GRID1: variants seen among roughly 807,000 people sequenced by gnomAD.
GRID1 encodes glutamate ionotropic receptor delta type subunit 1.
Under a neutral mutation model 98.0 loss-of-function variants are expected in GRID1, and 28 were observed. That is an observed-to-expected ratio of 0.29 (90% CI 0.21 to 0.39). The LOEUF (loss-of-function observed/expected upper bound fraction) is 0.39. GRID1 is among the 10% of genes least tolerant of loss of function. The pLI, the probability that GRID1 is intolerant of heterozygous loss-of-function variation, is 1.00. For synonymous variants in GRID1, 553 were observed against 538.5 expected (o/e 1.03, Z -0.37); for missense variants, 1,111 against 1,340.5 (o/e 0.83, Z 2.67).
chr10:85,770,869 G>A (rs1301029072), intron 8 of GRID1, among the ~76,000 whole-genome samples: 20 of 152,290 alleles, frequency 1.3e-4, no homozygotes, highest in African/African-American at 3.6e-4. Context: ...TGAAAGTGAC[G>A]GGGAGAATGG....
At chr10:86,230,602 C>G (rs1265360274) in intron 2 of GRID1, among the ~76,000 whole-genome samples, 1 of 152,242 alleles carries the variant, frequency 6.6e-6, no homozygotes, top group Non-Finnish European at 1.5e-5. Flanking sequence ...CTGAACTTCC[C>G]ACTGTTCCCT....
intron 4 of GRID1, among the ~76,000 whole-genome samples, chr10:85,982,825 G>A (rs1842562350): frequency 6.6e-6 from 1 of 152,138 alleles, no homozygotes; most frequent in Non-Finnish European, 1.5e-5. Context: ...AGTGGCTATT[G>A]TCACTGAAAA....
chr10:85,777,846 TAGAC>T (rs2132722409), intron 8 of GRID1, among the ~76,000 whole-genome samples: 1 of 152,304 alleles, frequency 6.6e-6, no homozygotes, highest in African/African-American at 2.4e-5. Context: ...TCAGCAGTGA[TAGAC>T]AGGCATTCAG....
At chr10:85,821,172 T>C (rs1008036289) in intron 8 of GRID1, among the ~76,000 whole-genome samples, 1 of 151,924 alleles carries the variant, frequency 6.6e-6, no homozygotes, top group Non-Finnish European at 1.5e-5. Flanking sequence ...AAGCAAATTA[T>C]ATATTATATT....
At chr10:86,147,941 C>T (rs532780818) in intron 3 of GRID1, among the ~76,000 whole-genome samples, 245 of 152,330 alleles carry the variant, frequency 1.6e-3, no homozygotes, top group African/African-American at 5.0e-3. Context: ...CCAGCCAATC[C>T]TAAGCCCACC....
At chr10:85,644,293 C>T (rs1184222904) in intron 13 of GRID1, 2 of 152,212 alleles carry the variant, frequency 1.3e-5, no homozygotes, top group African/African-American at 4.8e-5. Flanking sequence ...TTTCTAAAAT[C>T]TCCTGCTAAT....
intron 4 of GRID1, among the ~76,000 whole-genome samples, chr10:85,999,632 G>T (rs2131873927): frequency 6.6e-6 from 1 of 152,194 alleles, no homozygotes; most frequent in East Asian, 1.9e-4. Flanking sequence ...GGCCATGTTG[G>T]ATTTATCTAA....
chr10:85,629,979 T>G (rs1842957438), intron 13 of GRID1, among the ~76,000 whole-genome samples: 1 of 152,234 alleles, frequency 6.6e-6, no homozygotes, highest in South Asian at 2.1e-4. Context: ...TGCATTTTTT[T>G]CATATGCTTG....
intron 4 of GRID1, among the ~76,000 whole-genome samples, chr10:86,100,593 C>T (rs1381096746): frequency 6.6e-6 from 1 of 152,068 alleles, no homozygotes; most frequent in African/African-American, 2.4e-5. Context: ...AAAGTTTTCA[C>T]AGGTTGGTCA....
chr10:85,771,041 T>A (rs1453827305), intron 8 of GRID1, among the ~76,000 whole-genome samples: 1 of 151,864 alleles, frequency 6.6e-6, no homozygotes, highest in African/African-American at 2.4e-5. Context: ...AAAGTTGAAA[T>A]GAAGGAAAAA....
At chr10:85,946,535 G>A (rs753356689) in intron 4 of GRID1, among the ~76,000 whole-genome samples, 2 of 152,144 alleles carry the variant, frequency 1.3e-5, no homozygotes, top group Non-Finnish European at 2.9e-5. Flanking sequence ...TAATTTATTC[G>A]GGAAAATACT....
chr10:86,133,199 C>G (rs1844864904), intron 4 of GRID1, among the ~76,000 whole-genome samples: 1 of 152,202 alleles, frequency 6.6e-6, no homozygotes, highest in Non-Finnish European at 1.5e-5. Flanking sequence ...ATGTGTGGAT[C>G]TGCACAGGTG....
chr10:86,272,749 T>C (rs1200452186), intron 2 of GRID1, among the ~76,000 whole-genome samples: 1 of 152,194 alleles, frequency 6.6e-6, no homozygotes, highest in Non-Finnish European at 1.5e-5. Flanking sequence ...GCTTGGAACA[T>C]TCTTTGGGAA....
intron 4 of GRID1, among the ~76,000 whole-genome samples, chr10:85,982,911 A>G (rs1842563158): frequency 6.6e-6 from 1 of 152,208 alleles, no homozygotes; most frequent in African/African-American, 2.4e-5. Context: ...AACCTCTTAA[A>G]TCAAGACTGT....
chr10:86,239,845 G>C lies in GRID1; in HGVS notation c.236-33197C>G, dbSNP rs370111851. Among the ~76,000 whole-genome samples, 7 of 152,270 alleles carry C rather than the reference G, an allele frequency of 4.6e-5. No homozygotes were observed. In the East Asian group the frequency reaches 9.6e-4, roughly 21 times the overall value. ...TTTCTTTATAAATTACCCAGTTTCA[G>C]GTAGTTATTTATAATAATGTGAGAA... On this transcript the variant is annotated intron_variant, in intron 2 of 15. Coordinates refer to ENST00000327946, the MANE Select transcript of GRID1 (RefSeq NM_017551.3).
intron 13 of GRID1, among the ~76,000 whole-genome samples, chr10:85,631,985 G>GCGCACA (rs1554860726): frequency 6.8e-6 from 1 of 147,754 alleles, no homozygotes. Context: ...AAACACATAT[G>GCGCACA]CACACACACA....
intron 4 of GRID1, among the ~76,000 whole-genome samples, chr10:85,972,423 T>A (rs1489830866): frequency 6.7e-6 from 1 of 148,616 alleles, no homozygotes; most frequent in African/African-American, 2.4e-5. Context: ...GCCTTAGTCA[T>A]GTATATATTT....
intron 4 of GRID1, among the ~76,000 whole-genome samples, chr10:86,120,896 C>T (rs981030917): frequency 3.3e-5 from 5 of 152,108 alleles, no homozygotes; most frequent in Admixed American, 6.5e-5. Context: ...AAGTAGAATG[C>T]CTCCTCCCTG....
chr10:86,313,814 G>A (rs924902654), intron 2 of GRID1, among the ~76,000 whole-genome samples: 1 of 152,188 alleles, frequency 6.6e-6, no homozygotes, highest in East Asian at 1.9e-4. Flanking sequence ...CCAGACTGGC[G>A]CTCCTGGTGG....
Sources: allele counts gnomAD v4.1 joint callset (sites outside exome capture counted in the v4.1 genomes callset), GRCh38; gene constraint gnomAD v4.1.1; transcripts MANE v1.5; gene names NCBI Gene and HGNC (gene_info 2026-07-23, HGNC 2026-07-21).